ACLY: variants seen among roughly 807,000 people sequenced by gnomAD.
ACLY encodes the protein ATP citrate lyase.
ACLY carries 41 observed loss-of-function variants against 133.0 expected under a neutral mutation model. That is an observed-to-expected ratio of 0.31 (90% confidence interval 0.24 to 0.40). The LOEUF is 0.40. Ranked by LOEUF, ACLY falls within the 10% of genes least tolerant of loss-of-function variation. The pLI, the probability that ACLY is intolerant of heterozygous loss-of-function variation, is 1.00. For synonymous variants in ACLY, 495 were observed against 549.3 expected (o/e 0.90, Z 1.38); for missense variants, 1,046 against 1,453.8 (o/e 0.72, Z 4.56).
At chr17:41,920,401 C>A (rs2050162893), upstream of ACLY, among the ~76,000 whole-genome samples, 1 of 151,902 alleles carries the variant, frequency 6.6e-6, no homozygotes, top group Admixed American at 6.6e-5. Flanking sequence ...GAGTTCAAGA[C>A]CAACAAGGCA....
intron 22 of ACLY, among the ~76,000 whole-genome samples, chr17:41,876,539 T>C (rs1332553830): frequency 1.3e-5 from 2 of 152,198 alleles, no homozygotes; most frequent in Admixed American, 6.5e-5. Context: ...GAAGTAGACA[T>C]GGGAGACTTT....
At chr17:41,928,387 T>C (rs1555636182) in intron 1 of ACLY, among the ~76,000 whole-genome samples, 2 of 152,030 alleles carry the variant, frequency 1.3e-5, no homozygotes, top group East Asian at 3.8e-4. Context: ...TTAATCCATA[T>C]ATATTTACAT....
At chr17:41,909,246 G>T (rs1555633205) in intron 5 of ACLY, among the ~76,000 whole-genome samples, 178 bp from the exon 6 acceptor site, 1 of 152,140 alleles carries the variant, frequency 6.6e-6, no homozygotes, top group Non-Finnish European at 1.5e-5. Context: ...TTCAGCCACT[G>T]AGGCGGAAAG....
upstream of ACLY, chr17:41,919,144 G>C (rs1398992333): frequency 4.7e-6 from 5 of 1,074,234 alleles, no homozygotes; most frequent in South Asian, 1.6e-5. Context: ...GCTGGGACTT[G>C]TAGTCCCGCT....
At chr17:41,878,960 C>A in intron 20 of ACLY, 36 bp from the exon 21 acceptor site, 1 of 1,612,924 alleles carries the variant, frequency 6.2e-7, no homozygotes, top group South Asian at 1.1e-5. Context: ...ACTGCTAATC[C>A]CCCAAGAGTG....
At position 41,884,265 on chromosome 17, in the gene ACLY, G is replaced by A. The variant is rs781925416; in HGVS notation, c.2082C>T (p.Gly694=). 4 of 1,608,882 alleles carry A rather than the reference G, an allele frequency of 2.5e-6. No homozygotes were observed. In the South Asian group the frequency reaches 3.3e-5, roughly 13 times the overall value. The change falls in exon 19 of 29, where the codon GGC becomes GGT. Residue 694 remains glycine (G), a synonymous_variant. Coordinates refer to ENST00000352035, the MANE Select transcript of ACLY (RefSeq NM_001096.3). ...GVAIGGDRYP[G]STFMDHVLRY... is the part of the protein sequence containing the mutation. ...GTAACACATGATCCATGAATGTGGA[G>A]CCCGGGTACCTGTTGAGAGCAGGGA...
Position 41,869,469 on chromosome 17 carries a change from G to T in ACLY, c.3051+5C>A, listed in dbSNP as rs1379221194. On this transcript the variant is annotated splice_donor_5th_base_variant and intron_variant, in intron 26 of 28. Coordinates refer to ENST00000352035, the MANE Select transcript of ACLY (RefSeq NM_001096.3). ...GAGGGAATTAGGAAGTTTTTTCTTT[G>T]TTACCTTCGAGGTGGTAATCTTCTC... 2.5e-6 allele frequency: 4 copies of T among 1,608,862 alleles called. No homozygotes were observed. The highest frequency in any genetic ancestry group is 3.4e-6 in the Non-Finnish European group (4 of 1,176,328).
intron 18 of ACLY, among the ~76,000 whole-genome samples, chr17:41,885,423 C>T (rs4796729): frequency 0.7 from 105,749 of 151,982 alleles, 38,043 homozygotes; most frequent in Admixed American, 0.83. Flanking sequence ...TTTCTAAGCC[C>T]GACAGCAGTA....
chr17:41,868,054 G>A (rs1368003326), intron 28 of ACLY, 150 bp from the exon 29 acceptor site: 16 of 456,498 alleles, frequency 3.5e-5, no homozygotes, highest in African/African-American at 3.0e-4. Context: ...AGGTAGATGA[G>A]GCGGACTTTG....
rs782786524 is a variant in ACLY at position 41,883,119 on chromosome 17, T to C, written c.2265+3A>G. 29 of 1,611,650 alleles carry C rather than the reference T, an allele frequency of 1.8e-5. No individual in the cohort carries two copies. The highest frequency in any genetic ancestry group is 1.5e-5 in the Non-Finnish European group (18 of 1,178,678). On this transcript the variant is annotated splice_donor_region_variant and intron_variant, in intron 20 of 28. Transcript: ENST00000352035. ...GCCCAGAAGTGACCCATCTCAGCCA[T>C]ACCTCAGAGGAGAACATGGTGGCAC...
chr17:41,913,692 C>T (rs1267088490), intron 2 of ACLY, 23 bp downstream of exon 2: 1 of 1,611,696 alleles, frequency 6.2e-7, no homozygotes, highest in African/African-American at 1.3e-5. Flanking sequence ...GGAAGAAAGG[C>T]CCAAAGTGGA....
At chr17:41,885,317 C>A (rs1271152539) in intron 18 of ACLY, among the ~76,000 whole-genome samples, 1 of 152,128 alleles carries the variant, frequency 6.6e-6, no homozygotes, top group African/African-American at 2.4e-5. Flanking sequence ...CCCTAAAGAC[C>A]TTGGTGAGAG....
At position 41,875,588 on chromosome 17, in the gene ACLY, C is replaced by T. The variant is rs1292236988; in HGVS notation, c.2488-1623G>A. On this transcript the variant is annotated intron_variant, in intron 22 of 28. Transcript: ENST00000352035. Reference sequence around the variant, plus strand: ...TGCCGAGTGCCTGCGATTGCAGGCGCGCGCCGCCACGCCTGACTGGTTTTC... The same window carrying T: ...TGCCGAGTGCCTGCGATTGCAGGCGTGCGCCGCCACGCCTGACTGGTTTTC... 2.7e-3 allele frequency among the ~76,000 whole-genome samples: 413 copies of T among 152,100 alleles called. 2 individuals carry two copies. Among genetic ancestry groups the T allele is most frequent in the Non-Finnish European group, 2.3e-3 (153 of 67,966 alleles).
chr17:41,886,396 C>T (rs1041050934), intron 17 of ACLY, 88 bp from the exon 18 acceptor site: 2 of 1,334,570 alleles, frequency 1.5e-6, no homozygotes, highest in African/African-American at 2.9e-5. Flanking sequence ...ACTGCCCAGC[C>T]CCTTCTGGCC....
chr17:41,898,722 C>A lies in ACLY; in HGVS notation c.1247G>T (p.Gly416Val). ...GATGGGCCGGTGGCCCAGGGCCATGCCCACAATGGCCGTCATGTGAGTCTC... is the reference window on the plus strand; with the variant it reads ...GATGGGCCGGTGGCCCAGGGCCATGACCACAATGGCCGTCATGTGAGTCTC... ...GTETHMTAIVGMALGHRPIPN... is the reference protein window; with the variant it reads ...GTETHMTAIVVMALGHRPIPN... Residue 416 changes from glycine (G) to valine (V), a missense_variant, in exon 12 of 29, where the codon GGC becomes GTC. Gly to Val is a moderately radical substitution (Grantham distance 109). Around this residue, in one of 4 missense-constraint regions of ACLY, gnomAD observed 575 missense variants for 804.2 expected, o/e 0.71. Coordinates refer to ENST00000352035, the MANE Select transcript of ACLY (RefSeq NM_001096.3). 1 of 1,613,924 alleles carries A rather than the reference C, an allele frequency of 6.2e-7. No homozygotes were observed. Among genetic ancestry groups the A allele is most frequent in the South Asian group, 1.1e-5 (1 of 90,998 alleles).
chr17:41,878,338 A>G, intron 21 of ACLY, 142 bp from the exon 22 acceptor site: 1 of 554,316 alleles, frequency 1.8e-6, no homozygotes, highest in Non-Finnish European at 3.0e-6. Flanking sequence ...GAACTAAATG[A>G]AAAGAAGTTC....
intron 14 of ACLY, among the ~76,000 whole-genome samples, chr17:41,894,829 C>T (rs941252063): frequency 7.2e-5 from 11 of 152,098 alleles, no homozygotes; most frequent in African/African-American, 2.7e-4. Flanking sequence ...GTTCTGAGCT[C>T]CCCTAGGAAG....
At chr17:41,891,740 C>T (rs782577608) in intron 16 of ACLY, among the ~76,000 whole-genome samples, 26 of 151,932 alleles carry the variant, frequency 1.7e-4, no homozygotes, top group African/African-American at 3.1e-4. Flanking sequence ...CTGCCACCCA[C>T]GCTGGAGTGC....
chr17:41,923,701 TA>T (rs1307690902), upstream of ACLY, among the ~76,000 whole-genome samples: 68 of 152,288 alleles, frequency 4.5e-4, no homozygotes, highest in African/African-American at 1.6e-3. Flanking sequence ...AAGGCTCTTA[TA>T]ATATGTGAAT....
Sources: allele counts gnomAD v4.1 joint callset (sites outside exome capture counted in the v4.1 genomes callset), GRCh38; gene constraint gnomAD v4.1.1; regional missense constraint gnomAD v4.1.1; transcripts MANE v1.5; gene names NCBI Gene and HGNC (gene_info 2026-07-23, HGNC 2026-07-21).